Variants in PIWIL1 observed in about 807,000 individuals in gnomAD.
PIWIL1 encodes the protein piwi like RNA-mediated gene silencing 1, also known as piwi-like protein 1.
Under a neutral mutation model 114.4 loss-of-function variants are expected in PIWIL1, and 73 were observed. The observed-to-expected ratio is 0.64, with a 90% CI of 0.53 to 0.78. PIWIL1 has a LOEUF of 0.78. PIWIL1 is among the 30% of genes least tolerant of loss of function. PIWIL1 has a pLI of 0.00. For missense variants in PIWIL1, 723 were observed against 1,063.1 expected, an observed-to-expected ratio of 0.68 and a Z score of 4.45; for synonymous variants, 375 against 369.0, an observed-to-expected ratio of 1.02 and a Z score of -0.19.
At chr12:130,409,110 T>C in the PIWIL1 span, among the ~76,000 whole-genome samples, 227 of 152,312 alleles carry the variant, frequency 1.5e-3, no homozygotes, top group African/African-American at 5.3e-3. Context: ...CATGTACTTC[T>C]CACTGAAGTC....
chr12:130,373,099 C>A (rs2073840914), downstream of PIWIL1, among the ~76,000 whole-genome samples: 1 of 152,152 alleles, frequency 6.6e-6, no homozygotes, highest in African/African-American at 2.4e-5. Context: ...TTGTTGTTAA[C>A]ATTGTTCTGG....
chr12:130,409,415 T>C, the PIWIL1 span, among the ~76,000 whole-genome samples: 1 of 134,686 alleles, frequency 7.4e-6, no homozygotes. Flanking sequence ...CGATCCCGGC[T>C]CACTGCAAGC....
At chr12:130,367,338 T>G in intron 19 of PIWIL1, 80 bp downstream of exon 19, 1 of 1,240,782 alleles carries the variant, frequency 8.1e-7, no homozygotes, top group South Asian at 2.1e-5. Context: ...CTTTACCAAT[T>G]TTAATACATT....
chr12:130,375,295 T>C (rs1464760373), downstream of PIWIL1, among the ~76,000 whole-genome samples: 2 of 152,202 alleles, frequency 1.3e-5, no homozygotes, highest in African/African-American at 4.8e-5. Flanking sequence ...TGTGTAATTG[T>C]TGTATTTCAA....
the PIWIL1 span, chr12:130,425,525 T>A: frequency 6.6e-6 from 1 of 152,484 alleles, no homozygotes; most frequent in Admixed American, 6.5e-5. Context: ...CTCCTCTGCA[T>A]CCTGCATCAA....
In PIWIL1 at chr12:130,356,877, A is replaced by G. The variant is rs749104145; in HGVS notation, c.1405-41A>G. On this transcript the variant is annotated intron_variant, in intron 12 of 20. Coordinates refer to ENST00000245255, the MANE Select transcript of PIWIL1 (RefSeq NM_004764.5). Reference sequence around the variant, plus strand: ...AGACTGTTTGGCTTGATCACTGAGAACTTACAATGGAATTTACAGTGTGTC... The same window carrying G: ...AGACTGTTTGGCTTGATCACTGAGAGCTTACAATGGAATTTACAGTGTGTC... The G allele has an allele frequency of 2.1e-6, 3 of 1,441,296 alleles. No individual in the cohort carries two copies. In the East Asian group the frequency reaches 6.9e-5, roughly 33 times the overall value. The allele number at this position is 1,441,296 out of a possible 1,614,324, so 89.3% of individuals were successfully genotyped here. A position where few individuals can be genotyped will look rare whatever the true frequency, so the allele number is the denominator to read the frequency against.
chr12:130,393,133 T>G, the PIWIL1 span, among the ~76,000 whole-genome samples: 1 of 151,446 alleles, frequency 6.6e-6, no homozygotes, highest in African/African-American at 2.4e-5. Context: ...TATTGAATGT[T>G]GTGATGACCC....
chr12:130,375,851 C>T (rs1288074083), downstream of PIWIL1, among the ~76,000 whole-genome samples: 2 of 152,184 alleles, frequency 1.3e-5, no homozygotes, highest in Non-Finnish European at 2.9e-5. Flanking sequence ...ATCCTCCAGC[C>T]AGACCTGCTG....
the PIWIL1 span, among the ~76,000 whole-genome samples, chr12:130,411,606 C>A: frequency 2.0e-5 from 3 of 152,112 alleles, no homozygotes; most frequent in Non-Finnish European, 4.4e-5. Flanking sequence ...AACAGAAATT[C>A]TTGTATACTT....
chr12:130,424,142 C>T, the PIWIL1 span: 1 of 1,228,242 alleles, frequency 8.1e-7, no homozygotes, highest in South Asian at 4.1e-5. This position sits in a 1 kb window ranked among gnomAD's most constrained non-coding sequence, Gnocchi z 9.8. Context: ...GGTCACACAC[C>T]AGGGGGCCTT....
the PIWIL1 span, among the ~76,000 whole-genome samples, chr12:130,401,515 G>A: frequency 2.0e-5 from 3 of 151,960 alleles, no homozygotes; most frequent in East Asian, 3.9e-4. Flanking sequence ...GCTGCCAGGT[G>A]CACACTCACT....
In PIWIL1 at chr12:130,355,155, A is replaced by C. The variant is rs369580548; in HGVS notation, c.1289+150A>C. On this transcript the variant is annotated intron_variant, in intron 11 of 20. Coordinates refer to ENST00000245255, the MANE Select transcript of PIWIL1 (RefSeq NM_004764.5). ...GGGTGGGCTTGTTCTTCGTGTTTCT[A>C]AGCAAGGCTACCTATACCTCACTTA... The C allele has an allele frequency of 4.2e-4, 283 of 680,784 alleles. 2 individuals carry two copies. The South Asian group carries it at 4.9e-3, about 12-fold the overall frequency. 42.2% of individuals were successfully genotyped at this position (680,784 alleles called of 1,614,324 possible).
At chr12:130,347,940 G>T in intron 6 of PIWIL1, among the ~76,000 whole-genome samples, 163 bp from the exon 7 acceptor site, 1 of 152,172 alleles carries the variant, frequency 6.6e-6, no homozygotes, top group East Asian at 1.9e-4. Flanking sequence ...AAAGATATTT[G>T]AAAACCGTTG....
the PIWIL1 span, among the ~76,000 whole-genome samples, chr12:130,410,864 A>G: frequency 6.6e-6 from 1 of 152,168 alleles, no homozygotes; most frequent in African/African-American, 2.4e-5. Flanking sequence ...CTCCATATAC[A>G]TTTTAGAATT....
Position 130,341,544 on chromosome 12 carries a change from T to C in PIWIL1, c.-12-1036T>C, listed in dbSNP as rs147967370. On this transcript the variant is annotated intron_variant, in intron 1 of 20. Transcript: ENST00000245255. ...CTTTTAAAGCTGTGTGTAAATAACG[T>C]GTATTAACACGTGTAGTTATAATTT... is the stretch of plus-strand genomic sequence containing the variant. 5.9e-4 allele frequency among the ~76,000 whole-genome samples: 90 copies of C among 152,356 alleles called. 2 individuals are homozygous for C. The East Asian group carries it at 0.014, about 23-fold the overall frequency.
the PIWIL1 span, among the ~76,000 whole-genome samples, chr12:130,393,529 G>GCGT: frequency 6.7e-6 from 1 of 148,226 alleles, no homozygotes; most frequent in Non-Finnish European, 1.5e-5. Context: ...TCACGTGGGT[G>GCGT]CATCAGTTCT....
the PIWIL1 span, among the ~76,000 whole-genome samples, chr12:130,412,129 G>C: frequency 6.6e-6 from 1 of 152,134 alleles, no homozygotes; most frequent in South Asian, 2.1e-4. Flanking sequence ...ATTCTCACTG[G>C]TGCTTGCAGA....
At chr12:130,360,363 T>C (rs560822998) in intron 14 of PIWIL1, among the ~76,000 whole-genome samples, 20 of 152,228 alleles carry the variant, frequency 1.3e-4, no homozygotes, top group Admixed American at 5.2e-4. Flanking sequence ...AGGCCAGGCG[T>C]GGTGGCTCAC....
At chr12:130,351,707 G>C (rs868479618) in intron 9 of PIWIL1, 2 of 152,182 alleles carry the variant, frequency 1.3e-5, no homozygotes, top group Non-Finnish European at 2.9e-5. Context: ...CTGCCTCCTA[G>C]TACTCTTTTG....
Sources: allele counts gnomAD v4.1 joint callset (sites outside exome capture counted in the v4.1 genomes callset), GRCh38; gene constraint gnomAD v4.1.1; non-coding constraint Gnocchi (gnomAD v3.1); transcripts MANE v1.5; gene names NCBI Gene and HGNC (gene_info 2026-07-23, HGNC 2026-07-21).